Variants in PLCH1 observed in about 807,000 individuals in gnomAD.
The protein encoded by PLCH1 is phospholipase C eta 1.
In PLCH1, 60 loss-of-function variants were observed where a neutral mutation model predicts 126.7. The observed-to-expected ratio is 0.47, with a 90% CI of 0.38 to 0.59. PLCH1 has a LOEUF of 0.59. Among genes scored for constraint, PLCH1 ranks in the 20% least tolerant of loss-of-function variants. The pLI, the probability that PLCH1 is intolerant of heterozygous loss-of-function variation, is 0.00. For missense variants in PLCH1, 1,723 were observed against 2,040.0 expected (o/e 0.84, Z 2.99); for synonymous variants, 719 against 734.9 (o/e 0.98, Z 0.35).
intron 1 of PLCH1, among the ~76,000 whole-genome samples, chr3:155,727,693 T>A (rs1342362556): frequency 6.6e-6 from 1 of 152,140 alleles, no homozygotes; most frequent in African/African-American, 2.4e-5. Flanking sequence ...CGGCCCAATG[T>A]ATGAAATCTT....
intron 4 of PLCH1, among the ~76,000 whole-genome samples, chr3:155,586,917 C>T (rs1226679213): frequency 6.6e-6 from 1 of 152,160 alleles, no homozygotes; most frequent in Non-Finnish European, 1.5e-5. Flanking sequence ...ATACTAAAAG[C>T]TACATTACTG....
rs1267491060 is a variant in PLCH1, at chr3:155,700,126, A to G, written c.79+4020T>C. ...GGAAACTGAGGGCCCCAGAAGTGAC[A>G]TGAGGCTACACAAGTTAGTTGTTAA... On this transcript the variant is annotated intron_variant, in intron 2 of 22. Transcript: ENST00000460012. Among the ~76,000 whole-genome samples the G allele has an allele frequency of 2.0e-5, 3 of 152,310 alleles. No homozygotes were observed. In the East Asian group the frequency reaches 5.8e-4, roughly 29 times the overall value.
chr3:155,536,017 G>C (rs973871219), intron 10 of PLCH1, among the ~76,000 whole-genome samples: 6 of 152,172 alleles, frequency 3.9e-5, no homozygotes, highest in African/African-American at 1.4e-4. Flanking sequence ...AGATATTCCT[G>C]AGTACCAGGC....
chr3:155,582,075 C>CTTTTTTTTTTTTTTTTTTTTTTTTTTTT (rs869254665), intron 6 of PLCH1, among the ~76,000 whole-genome samples: 33 of 64,120 alleles, frequency 5.1e-4, no homozygotes, highest in East Asian at 1.4e-3. Flanking sequence ...TCTTTTCTTT[C>CTTTTTTTTTTTTTTTTTTTTTTTTTTTT]TTTTTTTTTT....
At chr3:155,573,279 G>C (rs1368805236) in intron 6 of PLCH1, among the ~76,000 whole-genome samples, 1 of 152,164 alleles carries the variant, frequency 6.6e-6, no homozygotes, top group East Asian at 1.9e-4. Flanking sequence ...TATTGGAAGA[G>C]GGCTATGGTT....
chr3:155,609,411 A>C (rs1734769535), intron 2 of PLCH1, among the ~76,000 whole-genome samples: 1 of 152,176 alleles, frequency 6.6e-6, no homozygotes, highest in African/African-American at 2.4e-5. Context: ...TGAATCGCAG[A>C]TCTTTCCAAT....
chr3:155,588,319 G>T (rs1390801587), intron 4 of PLCH1, among the ~76,000 whole-genome samples: 2 of 152,036 alleles, frequency 1.3e-5, no homozygotes, highest in Non-Finnish European at 2.9e-5. Context: ...GTCCAGATCT[G>T]GGGGGAAAGT....
chr3:155,628,917 C>A (rs1559867383), intron 2 of PLCH1, among the ~76,000 whole-genome samples: 2 of 152,120 alleles, frequency 1.3e-5, no homozygotes, highest in African/African-American at 4.8e-5. Flanking sequence ...ATATAATTTG[C>A]AAGAGCTATC....
intron 2 of PLCH1, among the ~76,000 whole-genome samples, chr3:155,670,084 T>C (rs1743253620): frequency 6.6e-6 from 1 of 152,176 alleles, no homozygotes; most frequent in South Asian, 2.1e-4. Context: ...TTGATATAAA[T>C]CAAGATTGCT....
intron 2 of PLCH1, among the ~76,000 whole-genome samples, chr3:155,668,134 G>A (rs16825225): frequency 0.021 from 2,865 of 138,012 alleles, 101 homozygotes; most frequent in African/African-American, 0.074. Context: ...CAAATACAAA[G>A]AGAATGCTAG....
chr3:155,618,260 T>A (rs1736030259), intron 2 of PLCH1, among the ~76,000 whole-genome samples: 1 of 152,222 alleles, frequency 6.6e-6, no homozygotes, highest in Non-Finnish European at 1.5e-5. Context: ...CAGTTTGGAC[T>A]GAATCTTAAA....
At chr3:155,584,828 A>G (rs1731147783) in intron 5 of PLCH1, among the ~76,000 whole-genome samples, 1 of 152,206 alleles carries the variant, frequency 6.6e-6, no homozygotes, top group Non-Finnish European at 1.5e-5. Flanking sequence ...CATGATTTGT[A>G]TAGGTACAGA....
downstream of PLCH1, among the ~76,000 whole-genome samples, chr3:155,476,522 A>C (rs1189187762): frequency 6.6e-6 from 1 of 152,184 alleles, no homozygotes; most frequent in Non-Finnish European, 1.5e-5. Context: ...TTTAAGGATG[A>C]TATGATCTTA....
chr3:155,519,743 TA>T (rs1219164127), intron 11 of PLCH1, among the ~76,000 whole-genome samples: 1,175 of 93,712 alleles, frequency 0.013, 7 homozygotes, highest in Middle Eastern at 0.022. Context: ...AACTTTGCAT[TA>T]AAAAAAAAAA....
At chr3:155,526,648 C>T (rs1721990689) in intron 10 of PLCH1, among the ~76,000 whole-genome samples, 4 of 152,086 alleles carry the variant, frequency 2.6e-5, no homozygotes, top group Admixed American at 1.3e-4. Context: ...AAAGGAATCT[C>T]GGAAGCAGAG....
chr3:155,598,467 T>C (rs1299031911), intron 2 of PLCH1, among the ~76,000 whole-genome samples: 2 of 152,184 alleles, frequency 1.3e-5, no homozygotes, highest in African/African-American at 4.8e-5. Flanking sequence ...CAATAGATCA[T>C]ATCAATAAAC....
chr3:155,610,992 T>A (rs982892218), intron 2 of PLCH1, among the ~76,000 whole-genome samples: 6 of 152,162 alleles, frequency 3.9e-5, no homozygotes, highest in African/African-American at 1.2e-4. Flanking sequence ...TAAGGACACA[T>A]GTAAACTTAA....
chr3:155,627,963 C>T (rs182190367), intron 2 of PLCH1, among the ~76,000 whole-genome samples: 11 of 151,856 alleles, frequency 7.2e-5, no homozygotes, highest in African/African-American at 1.9e-4. Flanking sequence ...GGCAGGGTTT[C>T]GCCATGTTGG....
intron 6 of PLCH1, among the ~76,000 whole-genome samples, chr3:155,569,532 A>C (rs1728937872): frequency 6.6e-6 from 1 of 152,072 alleles, no homozygotes; most frequent in South Asian, 2.1e-4. Flanking sequence ...TTAGGGGCCC[A>C]TATTACCAGA....
Sources: allele counts gnomAD v4.1 joint callset (sites outside exome capture counted in the v4.1 genomes callset), GRCh38; gene constraint gnomAD v4.1.1; transcripts MANE v1.5; gene names NCBI Gene and HGNC (gene_info 2026-07-23, HGNC 2026-07-21).